The following AKAP7 variants were observed in gnomAD, a reference collection of about 807,000 sequenced individuals.
AKAP7 encodes A kinase (PRKA) anchor protein 7.
AKAP7 carries 39 observed loss-of-function variants against 39.5 expected under a neutral mutation model. The observed-to-expected ratio is 0.99, with a 90% CI of 0.76 to 1.29. The LOEUF is 1.29. AKAP7 is among the 50% of genes most tolerant of loss of function. AKAP7 has a pLI of 0.00. For missense variants in AKAP7, 414 were observed against 407.7 expected, an observed-to-expected ratio of 1.02 and a Z score of -0.13; for synonymous variants, 140 against 139.1, an observed-to-expected ratio of 1.01 and a Z score of -0.05.
intron 5 of AKAP7, among the ~76,000 whole-genome samples, chr6:131,186,126 C>T (rs1389055577): frequency 6.6e-6 from 1 of 152,136 alleles, no homozygotes; most frequent in Non-Finnish European, 1.5e-5. Context: ...GAAATGTAAT[C>T]CCCAGTGTTG....
At chr6:131,242,634 G>A (rs1811714658) in intron 7 of AKAP7, among the ~76,000 whole-genome samples, 1 of 151,860 alleles carries the variant, frequency 6.6e-6, no homozygotes, top group African/African-American at 2.4e-5. Context: ...TGCCTATTCT[G>A]AGCCCATTTT....
At chr6:131,223,762 A>G (rs1809911595) in intron 7 of AKAP7, among the ~76,000 whole-genome samples, 1 of 152,288 alleles carries the variant, frequency 6.6e-6, no homozygotes, top group South Asian at 2.1e-4. Flanking sequence ...CTGTTAAAAA[A>G]ATTAGGAATA....
chr6:131,137,961 C>T (rs1382069319), intron 1 of AKAP7, among the ~76,000 whole-genome samples: 1 of 152,092 alleles, frequency 6.6e-6, no homozygotes, highest in African/African-American at 2.4e-5. Flanking sequence ...AAAAACTTGG[C>T]ATTTGTTGTT....
At chr6:131,170,013 C>G (rs990445835) in intron 5 of AKAP7, among the ~76,000 whole-genome samples, 4 of 151,704 alleles carry the variant, frequency 2.6e-5, no homozygotes, top group African/African-American at 9.7e-5. Flanking sequence ...TTCCATCCCT[C>G]CTTCTCTTTG....
chr6:131,279,125 A>G (rs1372978660), intron 7 of AKAP7, among the ~76,000 whole-genome samples: 2 of 152,212 alleles, frequency 1.3e-5, no homozygotes, highest in Non-Finnish European at 2.9e-5. Flanking sequence ...GAAATCATGA[A>G]GCACAATTGA....
intron 1 of AKAP7, among the ~76,000 whole-genome samples, chr6:131,141,096 GT>G (rs1429437835): frequency 6.6e-6 from 1 of 152,058 alleles, no homozygotes; most frequent in Non-Finnish European, 1.5e-5. Context: ...AGGCTTTGTT[GT>G]TTTTTGCTTT....
chr6:131,242,044 T>C, intron 7 of AKAP7: 1 of 979,862 alleles, frequency 1.0e-6, no homozygotes, highest in South Asian at 4.7e-5. Context: ...CCCACAGGGA[T>C]CCTTTGATAT....
chr6:131,180,802 C>T lies in AKAP7; in HGVS notation c.589+11529C>T, dbSNP rs1185173842. Among the ~76,000 whole-genome samples the T allele has an allele frequency of 4.7e-5, 7 of 147,766 alleles. No individual in the cohort carries two copies. In the Admixed American group the frequency reaches 4.7e-4, roughly 10 times the overall value. Reference sequence around the variant, plus strand: ...CTTCTTTAAATTCTCCTTTTGGTTTCTGAGACACCACTTTCTTTTTTTGTT... The same window carrying T: ...CTTCTTTAAATTCTCCTTTTGGTTTTTGAGACACCACTTTCTTTTTTTGTT... On this transcript the variant is annotated intron_variant, in intron 5 of 7. Coordinates refer to ENST00000431975, the MANE Select transcript of AKAP7 (RefSeq NM_016377.4).
At chr6:131,256,558 T>TCCTTCAGAGCC (rs1812868769) in intron 7 of AKAP7, among the ~76,000 whole-genome samples, 1 of 152,144 alleles carries the variant, frequency 6.6e-6, no homozygotes, top group South Asian at 2.1e-4. Context: ...CCATGAGCTG[T>TCCTTCAGAGCC]ATCCAAAAGC....
chr6:131,237,851 A>C (rs1232135815), intron 7 of AKAP7, among the ~76,000 whole-genome samples: 2 of 152,084 alleles, frequency 1.3e-5, no homozygotes, highest in Non-Finnish European at 2.9e-5. Context: ...CTTTTCCAAA[A>C]ACCAGCTCCT....
intron 2 of AKAP7, among the ~76,000 whole-genome samples, chr6:131,157,262 A>G (rs563126273): frequency 6.6e-6 from 1 of 152,336 alleles, no homozygotes; most frequent in African/African-American, 2.4e-5. Context: ...TATTATTATT[A>G]TTCTAAAATT....
chr6:131,275,199 G>A (rs912255853), intron 7 of AKAP7, among the ~76,000 whole-genome samples: 5 of 152,134 alleles, frequency 3.3e-5, no homozygotes, highest in Admixed American at 6.5e-5. Flanking sequence ...GTTGAACTCA[G>A]ATTTAATCAT....
intron 7 of AKAP7, among the ~76,000 whole-genome samples, chr6:131,239,183 A>G (rs1233952462): frequency 1.3e-5 from 2 of 152,158 alleles, no homozygotes; most frequent in African/African-American, 4.8e-5. Flanking sequence ...GTTTGGCTGG[A>G]TATGAAATTC....
chr6:131,233,417 A>T (rs943799379), intron 7 of AKAP7, among the ~76,000 whole-genome samples: 1 of 152,202 alleles, frequency 6.6e-6, no homozygotes, highest in Non-Finnish European at 1.5e-5. Flanking sequence ...CCCATCAATA[A>T]AATGGGCATA....
chr6:131,237,118 GT>G (rs1811137335), intron 7 of AKAP7, among the ~76,000 whole-genome samples: 1 of 152,142 alleles, frequency 6.6e-6, no homozygotes, highest in South Asian at 2.1e-4. Context: ...AGCATGAAGG[GT>G]TGTTGAATTT....
At chr6:131,199,694 T>A (rs1012901177) in intron 6 of AKAP7, 121 bp downstream of exon 6, 4 of 829,248 alleles carry the variant, frequency 4.8e-6, no homozygotes, top group Non-Finnish European at 7.8e-6. Flanking sequence ...GGTTTCCAAG[T>A]CAGGTTGGTT....
intron 7 of AKAP7, among the ~76,000 whole-genome samples, chr6:131,226,715 GA>G (rs1810197050): frequency 6.6e-6 from 1 of 152,224 alleles, no homozygotes; most frequent in African/African-American, 2.4e-5. Flanking sequence ...TCAGCTGTCA[GA>G]CATATCTTAC....
intron 7 of AKAP7, among the ~76,000 whole-genome samples, chr6:131,279,725 T>C (rs1315473091): frequency 6.6e-6 from 1 of 152,132 alleles, no homozygotes; most frequent in Non-Finnish European, 1.5e-5. Flanking sequence ...ATCTTGCTGA[T>C]GAGAAAGCTG....
chr6:131,131,055 C>T (rs1053404603), upstream of AKAP7, among the ~76,000 whole-genome samples: 8 of 152,164 alleles, frequency 5.3e-5, no homozygotes, highest in African/African-American at 1.9e-4. Context: ...TATATGCAAA[C>T]CTATCCTGAA....
Sources: allele counts gnomAD v4.1 joint callset (sites outside exome capture counted in the v4.1 genomes callset), GRCh38; gene constraint gnomAD v4.1.1; transcripts MANE v1.5; gene names NCBI Gene and HGNC (gene_info 2026-07-23, HGNC 2026-07-21).